Variants in FRMD6 observed in about 807,000 individuals in gnomAD.
FRMD6 encodes FERM domain containing 6.
A neutral mutation model predicts 73.2 loss-of-function variants in FRMD6; 37 were observed. The ratio of observed to expected loss-of-function variants is 0.51; its 90% CI spans 0.39 to 0.66. FRMD6 has a LOEUF of 0.66. Ranked by LOEUF, FRMD6 falls within the 30% of genes least tolerant of loss-of-function variation. FRMD6 has a pLI of 0.00. For missense variants in FRMD6, 714 were observed against 780.5 expected (o/e 0.91, Z 1.02); for synonymous variants, 273 against 282.2 (o/e 0.97, Z 0.33).
At chr14:51,585,178 C>T (rs959472679) in intron 2 of FRMD6, among the ~76,000 whole-genome samples, 61 of 152,110 alleles carry the variant, frequency 4.0e-4, no homozygotes, top group African/African-American at 1.4e-3. Context: ...GCTATTTTAA[C>T]ATTAGCATGT....
the FRMD6 span, among the ~76,000 whole-genome samples, chr14:51,468,850 C>A: frequency 1.3e-5 from 2 of 152,126 alleles, no homozygotes; most frequent in African/African-American, 2.4e-5. Flanking sequence ...TTTGCGAATG[C>A]TTTTTCTACA....
the FRMD6 span, among the ~76,000 whole-genome samples, chr14:51,408,192 T>G: frequency 6.6e-6 from 1 of 151,914 alleles, no homozygotes. Context: ...AATATCACTC[T>G]GTTGCCCAGG....
intron 1 of FRMD6, among the ~76,000 whole-genome samples, chr14:51,670,916 G>A (rs1893961796): frequency 6.6e-6 from 1 of 152,122 alleles, no homozygotes; most frequent in Non-Finnish European, 1.5e-5. Context: ...CAAAATGGTG[G>A]GATTACAGGC....
At chr14:51,560,188 G>A (rs1235248133) in intron 1 of FRMD6, among the ~76,000 whole-genome samples, 12 of 152,156 alleles carry the variant, frequency 7.9e-5, no homozygotes, top group African/African-American at 2.9e-4. Context: ...CAATTGAGGT[G>A]TGAGAAGGCA....
chr14:51,641,034 G>T (rs369120380), intron 2 of FRMD6, among the ~76,000 whole-genome samples: 1 of 151,430 alleles, frequency 6.6e-6, no homozygotes, highest in Non-Finnish European at 1.5e-5. Context: ...ACAGTGGCAC[G>T]ATCTCAGCTC....
the FRMD6 span, among the ~76,000 whole-genome samples, chr14:51,472,947 A>G: frequency 6.6e-6 from 1 of 152,228 alleles, no homozygotes; most frequent in Non-Finnish European, 1.5e-5. Flanking sequence ...CCTACATGTG[A>G]TAAGACCTAA....
At position 51,690,123 on chromosome 14, in the gene FRMD6, C is replaced by T. The variant is rs561567130; in HGVS notation, c.99+188C>T. 9.1e-4 allele frequency among the ~76,000 whole-genome samples: 139 copies of T among 152,306 alleles called. 2 individuals are homozygous for T. Among genetic ancestry groups the T allele is most frequent in the African/African-American group, 3.2e-3 (131 of 41,572 alleles). On this transcript the variant is annotated intron_variant, in intron 2 of 13. Transcript: ENST00000344768. The stretch of plus-strand genomic sequence containing the variant: ...GTGGCTTGTGTGCAGCTGCCTTCAA[C>T]ATTCTCTCACCTGGGTTAGAATTAG...
intron 1 of FRMD6, among the ~76,000 whole-genome samples, chr14:51,677,628 G>T (rs1894486554): frequency 6.6e-6 from 1 of 152,038 alleles, no homozygotes; most frequent in Admixed American, 6.6e-5. Flanking sequence ...TAAAATTCAT[G>T]AATTTTACCA....
chr14:51,681,149 G>A (rs138502358), intron 1 of FRMD6, among the ~76,000 whole-genome samples: 1 of 152,256 alleles, frequency 6.6e-6, no homozygotes, highest in Non-Finnish European at 1.5e-5. Flanking sequence ...GCATTACTTG[G>A]CACCAATGCA....
intron 2 of FRMD6, among the ~76,000 whole-genome samples, chr14:51,598,206 A>C (rs1479941299): frequency 1.3e-5 from 2 of 151,972 alleles, no homozygotes; most frequent in African/African-American, 4.8e-5. Flanking sequence ...CCTAGCCCCC[A>C]AAAAACCAAA....
Position 51,500,756 on chromosome 14 carries a change from ATG to A in FRMD6, c.-210+11352_-210+11353del, listed in dbSNP as rs370389521. Among the ~76,000 whole-genome samples the A allele has an allele frequency of 2.4e-3, 364 of 150,984 alleles. 1 individual carries two copies. Among genetic ancestry groups the A allele is most frequent in the South Asian group, 7.3e-3 (35 of 4,770 alleles). ...ATTATATATATGTACATATATACAT[ATG>A]TGTGTGTGTGTGTGTATATACACAC... On this transcript the variant is annotated intron_variant, in intron 1 of 14. Coordinates refer to the FRMD6 transcript ENST00000356218.
At chr14:51,686,910 G>T (rs1423705569) in intron 1 of FRMD6, among the ~76,000 whole-genome samples, 1 of 152,022 alleles carries the variant, frequency 6.6e-6, no homozygotes, top group African/African-American at 2.4e-5. Flanking sequence ...CCATTTCATT[G>T]GAGCCTTTTA....
intron 1 of FRMD6, among the ~76,000 whole-genome samples, chr14:51,665,279 C>A (rs143632587): frequency 1.5e-4 from 23 of 152,322 alleles, no homozygotes; most frequent in Admixed American, 1.4e-3. Context: ...CCCACAGTCC[C>A]TGGCAGAGAC....
the FRMD6 span, among the ~76,000 whole-genome samples, chr14:51,406,265 C>T: frequency 1.3e-5 from 2 of 152,020 alleles, no homozygotes; most frequent in African/African-American, 4.8e-5. Flanking sequence ...TAATATGATA[C>T]CTTCAGCTTT....
At position 51,722,003 on chromosome 14, in the gene FRMD6, C is replaced by G. The variant is rs767392236; in HGVS notation, c.1415C>G (p.Ser472Cys). 1 of 1,614,072 alleles carries G rather than the reference C, an allele frequency of 6.2e-7. No homozygotes were observed. The highest frequency in any genetic ancestry group is 1.1e-5 in the South Asian group (1 of 91,068). The change falls in exon 12 of 14, where the codon TCT becomes TGT. Residue 472 changes from serine to cysteine, a missense_variant. Coordinates refer to ENST00000344768, the MANE Select transcript of FRMD6 (RefSeq NM_001267046.2). Reference protein sequence around the residue: ...PRDLEQMNEESLEVSPDMCIY... With the variant: ...PRDLEQMNEECLEVSPDMCIY... ...GATCTGGAGCAGATGAATGAAGAGTCTCTGGAAGTCAGCCCAGACATGTGC... is the reference window on the plus strand; with the variant it reads ...GATCTGGAGCAGATGAATGAAGAGTGTCTGGAAGTCAGCCCAGACATGTGC...
chr14:51,416,088 C>A, the FRMD6 span, among the ~76,000 whole-genome samples: 3 of 152,086 alleles, frequency 2.0e-5, no homozygotes, highest in Non-Finnish European at 4.4e-5. Flanking sequence ...TTTTGTTGAT[C>A]TTTTCAAAAA....
At position 51,512,136 on chromosome 14, in the gene FRMD6, C is replaced by T. The variant is rs764459341; in HGVS notation, c.-210+22716C>T. ...CTGTGATGAGCTCAGTCACTGAAGT[C>T]TAGCCAGGCTATCCTTCAACTTCTT... On this transcript the variant is annotated intron_variant, in intron 1 of 14. Coordinates refer to the FRMD6 transcript ENST00000356218. Among the ~76,000 whole-genome samples, 4 of 152,202 alleles carry T rather than the reference C, an allele frequency of 2.6e-5. No homozygotes were observed. The Middle Eastern group carries it at 0.01, about 388-fold the overall frequency.
chr14:51,715,602 C>T, intron 10 of FRMD6, 103 bp downstream of exon 10: 3 of 897,398 alleles, frequency 3.3e-6, no homozygotes, highest in Non-Finnish European at 5.0e-6. Context: ...GATTTTGGGA[C>T]TGGGACACTC....
At chr14:51,474,117 C>T in the FRMD6 span, among the ~76,000 whole-genome samples, 1 of 152,214 alleles carries the variant, frequency 6.6e-6, no homozygotes, top group Non-Finnish European at 1.5e-5. Flanking sequence ...GAATCCAGAT[C>T]TCTCTCTATC....
Sources: gnomAD v4.1 joint callset for allele counts (sites outside exome capture counted in the v4.1 genomes callset) on GRCh38, gnomAD v4.1.1 for gene constraint, MANE v1.5 for transcripts, NCBI Gene and HGNC (gene_info 2026-07-23, HGNC 2026-07-21) for gene names.